The following KANK1 variants were observed in gnomAD, a reference collection of about 807,000 sequenced individuals.
KANK1 encodes KN motif and ankyrin repeat domain-containing protein 1.
KANK1 carries 109 observed loss-of-function variants against 106.2 expected under a neutral mutation model. That is an observed-to-expected ratio of 1.03 (90% CI 0.88 to 1.20). The LOEUF (loss-of-function observed/expected upper bound fraction) is 1.20, where lower values mean the gene tolerates loss of function less well. Ranked by LOEUF, KANK1 falls within the 50% of genes most tolerant of loss-of-function variation. The pLI is 0.00. For synonymous variants in KANK1, 873 were observed against 652.2 expected (o/e 1.34, Z -5.16); for missense variants, 2,399 against 1,710.7 (o/e 1.40, Z -7.10).
At chr9:520,821 T>A (rs2059511294) in intron 1 of KANK1, among the ~76,000 whole-genome samples, 1 of 151,752 alleles carries the variant, frequency 6.6e-6, no homozygotes, top group Admixed American at 6.6e-5. Flanking sequence ...TTCCCATGGC[T>A]CCAGATCTGT....
intron 1 of KANK1, among the ~76,000 whole-genome samples, chr9:505,874 C>CT (rs1563684069): frequency 6.6e-6 from 1 of 152,156 alleles, no homozygotes; most frequent in African/African-American, 2.4e-5. Flanking sequence ...AAATGAGGGT[C>CT]TGTTTGCTTA....
intron 1 of KANK1, among the ~76,000 whole-genome samples, chr9:515,359 GAAAA>G (rs1051864127): frequency 6.8e-6 from 1 of 147,200 alleles, no homozygotes; most frequent in Admixed American, 6.7e-5. Flanking sequence ...AAAAAAAAAA[GAAAA>G]AAAAGCCAGT....
At chr9:545,231 T>G (rs532252256) in intron 1 of KANK1, among the ~76,000 whole-genome samples, 2 of 152,204 alleles carry the variant, frequency 1.3e-5, no homozygotes, top group East Asian at 3.9e-4. Flanking sequence ...CCCAGACTTC[T>G]GGGAGGATCT....
intron 1 of KANK1, among the ~76,000 whole-genome samples, chr9:662,483 A>G (rs1210402380): frequency 2.6e-5 from 4 of 152,106 alleles, no homozygotes; most frequent in Non-Finnish European, 4.4e-5. Flanking sequence ...ACAGAGATAG[A>G]CACTAATGGA....
At position 711,237 on chromosome 9, in the gene KANK1, A is replaced by G. The variant is rs1237752436; in HGVS notation, c.471A>G (p.Thr157=). ...AGCATAACCTTCATGTCACCAAGAC[A>G]CTGATGGAGACCCGGAGAAGACTGG... ...LPKHNLHVTK[T]LMETRRRLEQ... is the part of the protein sequence containing the mutation. The change falls in exon 3 of 12, where the codon ACA becomes ACG. Residue 157 remains threonine, a synonymous_variant. Transcript: ENST00000382297. The G allele has an allele frequency of 6.2e-7, 1 of 1,614,216 alleles. No homozygotes were observed. The highest frequency in any genetic ancestry group is 1.1e-5 in the South Asian group (1 of 91,088).
chr9:661,811 G>A (rs867556418), intron 1 of KANK1, among the ~76,000 whole-genome samples: 72 of 151,930 alleles, frequency 4.7e-4, no homozygotes, highest in Middle Eastern at 6.8e-3. Context: ...TTTAATGATT[G>A]CCATTCTAAC....
At chr9:649,247 T>G (rs1840363849) in intron 1 of KANK1, among the ~76,000 whole-genome samples, 1 of 152,190 alleles carries the variant, frequency 6.6e-6, no homozygotes, top group East Asian at 1.9e-4. Flanking sequence ...TCCCATTAGT[T>G]CTTTACAGGT....
chr9:695,183 A>G (rs186676405), intron 2 of KANK1, among the ~76,000 whole-genome samples: 165 of 152,224 alleles, frequency 1.1e-3, no homozygotes, highest in Non-Finnish European at 1.8e-3. Flanking sequence ...ATTCAGGACG[A>G]CTACCCTGGA....
chr9:607,616 A>G (rs1044880419), intron 1 of KANK1, among the ~76,000 whole-genome samples: 2 of 151,528 alleles, frequency 1.3e-5, no homozygotes, highest in African/African-American at 4.9e-5. Context: ...CTAGCTGCAC[A>G]TACCTGCACA....
At chr9:734,537 A>G (rs1246798749) in intron 6 of KANK1, 3 of 426,672 alleles carry the variant, frequency 7.0e-6, no homozygotes, top group Admixed American at 3.5e-5. Flanking sequence ...CTGGTGGTGC[A>G]CACCTGTAGT....
chr9:539,069 C>T (rs561317284), intron 1 of KANK1, among the ~76,000 whole-genome samples: 25 of 152,126 alleles, frequency 1.6e-4, no homozygotes, highest in African/African-American at 4.6e-4. Context: ...TTGGTAGCGA[C>T]GGGATTTCAC....
chr9:633,943 A>C (rs1836439685), intron 1 of KANK1, among the ~76,000 whole-genome samples: 2 of 152,190 alleles, frequency 1.3e-5, no homozygotes, highest in African/African-American at 4.8e-5. Context: ...GAGCCACTGC[A>C]CTGAGCCATA....
chr9:601,876 T>C (rs1417945732), intron 1 of KANK1, among the ~76,000 whole-genome samples: 1 of 151,854 alleles, frequency 6.6e-6, no homozygotes, highest in Non-Finnish European at 1.5e-5. Flanking sequence ...GTCCTTTTAC[T>C]GGACAATGGT....
At chr9:490,328 A>G (rs995761575) in intron 3 of KANK1, among the ~76,000 whole-genome samples, 3 of 152,158 alleles carry the variant, frequency 2.0e-5, no homozygotes, top group African/African-American at 7.2e-5. Context: ...CAACAAAGTG[A>G]TACCTCATCC....
At chr9:735,285 T>G (rs1833471421) in intron 7 of KANK1, among the ~76,000 whole-genome samples, 1 of 152,162 alleles carries the variant, frequency 6.6e-6, no homozygotes, top group Non-Finnish European at 1.5e-5. Context: ...TATGTTATGC[T>G]CTGATGTGGA....
chr9:490,509 A>T (rs1317690542), intron 3 of KANK1, among the ~76,000 whole-genome samples: 1 of 151,438 alleles, frequency 6.6e-6, no homozygotes, highest in Non-Finnish European at 1.5e-5. Context: ...CCTTGTCTCA[A>T]ACTAATAATA....
rs182350055 is a variant in KANK1, at chr9:518,541, G to A, written c.-84+13787G>A. Among the ~76,000 whole-genome samples, 152 of 151,858 alleles carry A rather than the reference G, an allele frequency of 1.0e-3. 2 individuals carry two copies. Among genetic ancestry groups the A allele is most frequent in the South Asian group, 4.8e-3 (23 of 4,834 alleles). On this transcript the variant is annotated intron_variant, in intron 1 of 11. Transcript: ENST00000382297. The stretch of plus-strand genomic sequence containing the variant: ...GAATCGAAACTCTACTATTTCCTGC[G>A]AGGTGTATGTTTTCTTTGCTTCTTT...
chr9:722,211 T>C (rs1829511544), intron 3 of KANK1, among the ~76,000 whole-genome samples: 2 of 152,258 alleles, frequency 1.3e-5, no homozygotes, highest in Admixed American at 1.3e-4. Context: ...GTAAAACTAA[T>C]GAAAGCACAC....
rs1819367045 is a variant in KANK1, at chr9:689,498, T to A, written c.37+12489T>A. Reference sequence around the variant, plus strand: ...AGCGGATCCTGCTAATCCAGGCATGTAAAGGAGGAGTCCTCATCCAAGACC... The same window carrying A: ...AGCGGATCCTGCTAATCCAGGCATGAAAAGGAGGAGTCCTCATCCAAGACC... On this transcript the variant is annotated intron_variant, in intron 2 of 11. Transcript: ENST00000382297. Among the ~76,000 whole-genome samples, 10 of 152,242 alleles carry A rather than the reference T, an allele frequency of 6.6e-5. No homozygotes were observed. The South Asian group carries it at 2.1e-3, about 32-fold the overall frequency.
Sources: gnomAD v4.1 joint callset for allele counts (sites outside exome capture counted in the v4.1 genomes callset) on GRCh38, gnomAD v4.1.1 for gene constraint, MANE v1.5 for transcripts, NCBI Gene and HGNC (gene_info 2026-07-23, HGNC 2026-07-21) for gene names.